Variants in NBPF8 observed in about 807,000 individuals in gnomAD.
NBPF8 encodes the protein NBPF family member NBPF8.
rs1553666927 is a variant in NBPF8 at position 120,436,494 on chromosome 1, A to T, written n.142A>T. ...TTGGGTTTCTTCTCCCCAGTCCCTG[A>T]CTCCACCTCTTCTGCCACAAACGTC... On this transcript the variant is annotated non_coding_transcript_exon_variant, in exon 1 of 25. An upstream open reading frame in the 5' UTR loses its in-frame stop. Transcript: ENST00000583271. 6.9e-7 allele frequency: 1 copy of T among 1,456,766 alleles called. No individual in the cohort carries two copies. Among genetic ancestry groups the T allele is most frequent in the Non-Finnish European group, 9.6e-7 (1 of 1,042,710 alleles). The allele number at this position is 1,456,766 out of a possible 1,614,324, so 90.2% of individuals were successfully genotyped here.
In NBPF8 at chr1:120,455,285, C is replaced by T; in HGVS notation, n.2569-124C>T. On this transcript the variant is annotated intron_variant and non_coding_transcript_variant, in intron 15 of 24. Transcript: ENST00000583271. ...TAATCTAGGACAACCTAGAATATTC[C>T]TGTCAGAATCCTTATTCTTGCACTG... The T allele has an allele frequency of 4.7e-6, 3 of 641,396 alleles. No homozygotes were observed. In the East Asian group the frequency reaches 8.1e-5, roughly 17 times the overall value. The allele number at this position is 641,396 out of a possible 1,614,324, so 39.7% of individuals were successfully genotyped here.
At chr1:120,460,437 G>A in intron 17 of NBPF8, 136 bp from the exon 16 acceptor site, 8 of 765,770 alleles carry the variant, frequency 1.0e-5, no homozygotes, top group Non-Finnish European at 1.2e-5. Flanking sequence ...CAGGCCTACT[G>A]GAATATTTCT....
rs1190329372 is a variant in NBPF8 at position 120,463,097 on chromosome 1, G to C, written n.3234+131G>C. 3.7e-4 allele frequency: 257 copies of C among 697,980 alleles called. 4 individuals are homozygous for C. The African/African-American group carries it at 4.1e-3, about 11-fold the overall frequency. The allele number at this position is 697,980 out of a possible 1,614,324, so 43.2% of individuals were successfully genotyped here. ...CAGGCAGGACCTATGGGCGCATATA[G>C]GTTGTAATGAGACTGTAGTCTCAGC... On this transcript the variant is annotated intron_variant and non_coding_transcript_variant, in intron 21 of 24. Transcript: ENST00000583271.
chr1:120,427,533 GA>G (rs1362540363), intron 2 of NBPF8, among the ~76,000 whole-genome samples, 172 bp from the exon 3 acceptor site: 1 of 93,448 alleles, frequency 1.1e-5, no homozygotes, highest in African/African-American at 4.4e-5. Flanking sequence ...TGGGATTCAG[GA>G]AGGAGGTTAA....
chr1:120,467,960 G>A (rs1478799703), downstream of NBPF8, among the ~76,000 whole-genome samples: 10 of 151,348 alleles, frequency 6.6e-5, no homozygotes, highest in South Asian at 1.7e-3. Context: ...GAGTGTGTGT[G>A]TGCGTGTGTG....
At chr1:120,418,712 G>A (rs1660492725), upstream of NBPF8, among the ~76,000 whole-genome samples, 1 of 92,622 alleles carries the variant, frequency 1.1e-5, no homozygotes, top group Non-Finnish European at 2.0e-5. Context: ...CACTATGCCC[G>A]GCTAATTTTC....
At chr1:120,433,285 C>A (rs1660937204), upstream of NBPF8, 1 of 152,462 alleles carries the variant, frequency 6.6e-6, no homozygotes, top group African/African-American at 2.4e-5. Context: ...TGCTAGATTT[C>A]AAACCTGATT....
intron 3 of NBPF8, among the ~76,000 whole-genome samples, chr1:120,430,752 CAAAAAAAAAAAAA>C (rs1160946903): frequency 7.3e-5 from 3 of 41,274 alleles, no homozygotes; most frequent in African/African-American, 9.7e-5. Flanking sequence ...GACTCTGTCT[CAAAAAAAAAAAAA>C]AAAAAAAAAG....
upstream of NBPF8, among the ~76,000 whole-genome samples, chr1:120,415,510 T>C (rs1660409015): frequency 6.6e-6 from 1 of 152,108 alleles, no homozygotes; most frequent in South Asian, 2.1e-4. Flanking sequence ...AGAAACTCGC[T>C]GGCGGGTGTT....
intron 1 of NBPF8, among the ~76,000 whole-genome samples, chr1:120,420,926 G>C (rs1313868369): frequency 2.1e-5 from 3 of 144,360 alleles, no homozygotes; most frequent in East Asian, 2.0e-4. Flanking sequence ...TCCTTCTCAC[G>C]TGGCCGTCCA....
chr1:120,419,171 A>T (rs1173362625), upstream of NBPF8, among the ~76,000 whole-genome samples: 2 of 152,258 alleles, frequency 1.3e-5, no homozygotes, highest in Non-Finnish European at 2.9e-5. Flanking sequence ...AATAGCTTGT[A>T]TACAGCAGAG....
chr1:120,449,572 GTATT>G, intron 11 of NBPF8, among the ~76,000 whole-genome samples, 170 bp downstream of exon 9: 1 of 151,116 alleles, frequency 6.6e-6, no homozygotes, highest in South Asian at 2.1e-4. Context: ...AGGTACCAAA[GTATT>G]TAGCAACTTT....
chr1:120,466,362 G>A, exon 25 of NBPF8: 1 of 1,275,012 alleles, frequency 7.8e-7, no homozygotes, highest in Non-Finnish European at 1.1e-6. Flanking sequence ...TATTCTCAGA[G>A]CATGCCAGTG....
intron 3 of NBPF8, among the ~76,000 whole-genome samples, chr1:120,429,466 C>T (rs1395916874): frequency 1.3e-5 from 2 of 152,176 alleles, no homozygotes; most frequent in Non-Finnish European, 2.9e-5. Context: ...TGGATTTGCC[C>T]TCCCTGCTGT....
upstream of NBPF8, among the ~76,000 whole-genome samples, chr1:120,416,681 A>G (rs1197082773): frequency 1.3e-5 from 2 of 149,328 alleles, no homozygotes; most frequent in African/African-American, 5.0e-5. Flanking sequence ...CAAGAAATAG[A>G]ACATTACTAG....
At chr1:120,418,167 A>C (rs2101399848), upstream of NBPF8, among the ~76,000 whole-genome samples, 1 of 43,844 alleles carries the variant, frequency 2.3e-5, no homozygotes, top group African/African-American at 1.1e-4. Flanking sequence ...ATGGAGTCAT[A>C]GGTGATAATT....
At chr1:120,452,003 A>G (rs1215363144) in intron 12 of NBPF8, 114 bp from the exon 11 acceptor site, 3 of 1,159,398 alleles carry the variant, frequency 2.6e-6, no homozygotes, top group African/African-American at 3.0e-5. Flanking sequence ...ACATGTGCTG[A>G]CCTTCTGTTT....
At chr1:120,446,028 C>A in exon 8 of NBPF8, 2 of 1,313,222 alleles carry the variant, frequency 1.5e-6, no homozygotes, top group Non-Finnish European at 2.1e-6. Context: ...GCACCTTGTC[C>A]AAAAGCTCAG....
upstream of NBPF8, among the ~76,000 whole-genome samples, chr1:120,431,596 A>G (rs1660883466): frequency 6.6e-6 from 1 of 151,456 alleles, no homozygotes; most frequent in Admixed American, 6.6e-5. Context: ...CTACATATCC[A>G]TAAGAATGGC....
Sources: allele counts gnomAD v4.1 joint callset (sites outside exome capture counted in the v4.1 genomes callset), GRCh38; gene constraint gnomAD v4.1.1; transcripts MANE v1.5; gene names NCBI Gene and HGNC (gene_info 2026-07-23, HGNC 2026-07-21).